NRXN1: variants seen among roughly 807,000 people sequenced by gnomAD.
NRXN1 encodes the protein neurexin-1.
In NRXN1, 39 loss-of-function variants were observed where a neutral mutation model predicts 150.9. The ratio of observed to expected loss-of-function variants is 0.26; its 90% confidence interval spans 0.20 to 0.34. The LOEUF (loss-of-function observed/expected upper bound fraction) is 0.34. NRXN1 is among the 10% of genes least tolerant of loss of function. The pLI is 1.00. For missense variants in NRXN1, 1,815 were observed against 1,949.9 expected, an observed-to-expected ratio of 0.93 and a Z score of 1.30; for synonymous variants, 924 against 757.0, an observed-to-expected ratio of 1.22 and a Z score of -3.62.
intron 2 of NRXN1, among the ~76,000 whole-genome samples, chr2:51,018,104 T>A (rs1002720202): frequency 4.6e-5 from 7 of 151,998 alleles, no homozygotes; most frequent in African/African-American, 1.4e-4. Flanking sequence ...TGTTGCGAGG[T>A]CCCAAACAAC....
At chr2:50,150,052 T>C (rs2058606063) in intron 18 of NRXN1, among the ~76,000 whole-genome samples, 1 of 151,734 alleles carries the variant, frequency 6.6e-6, no homozygotes, top group Non-Finnish European at 1.5e-5. Flanking sequence ...TTTTTCCTTC[T>C]ATTAGTGAAT....
chr2:50,615,697 A>T (rs1343730489), intron 8 of NRXN1: 6 of 152,194 alleles, frequency 3.9e-5, no homozygotes, highest in Admixed American at 3.3e-4. Context: ...TAACTGTAAG[A>T]CTTTTCTACA....
chr2:50,415,471 A>T (rs989961238), intron 17 of NRXN1, among the ~76,000 whole-genome samples: 1 of 152,154 alleles, frequency 6.6e-6, no homozygotes, highest in African/African-American at 2.4e-5. Flanking sequence ...AAGCTGTGAT[A>T]AAGATATCAT....
At chr2:50,654,161 C>T (rs1033207270) in intron 5 of NRXN1, among the ~76,000 whole-genome samples, 20 of 114,930 alleles carry the variant, frequency 1.7e-4, no homozygotes, top group African/African-American at 6.2e-4. Flanking sequence ...GGTATATCTC[C>T]TAATGCTATC....
intron 17 of NRXN1, among the ~76,000 whole-genome samples, chr2:50,294,714 A>G (rs2152948388): frequency 6.6e-6 from 1 of 152,310 alleles, no homozygotes; most frequent in East Asian, 1.9e-4. Flanking sequence ...CCTTGTTGGG[A>G]CAGGCTGATC....
At chr2:50,704,672 T>C (rs1357403052) in intron 5 of NRXN1, among the ~76,000 whole-genome samples, 1 of 151,780 alleles carries the variant, frequency 6.6e-6, no homozygotes, top group Non-Finnish European at 1.5e-5. Context: ...TATATTAATA[T>C]TTTAGGGCTC....
At chr2:50,237,058 A>G (rs1455704807) in intron 17 of NRXN1, 88 bp from the exon 18 acceptor site, 1 of 1,261,026 alleles carries the variant, frequency 7.9e-7, no homozygotes, top group East Asian at 2.3e-5. Context: ...TCAGTAAAGT[A>G]TCAACTCTAC....
At chr2:49,967,492 C>A (rs725323) in intron 21 of NRXN1, among the ~76,000 whole-genome samples, 1 of 151,734 alleles carries the variant, frequency 6.6e-6, no homozygotes, top group African/African-American at 2.4e-5. Context: ...ACTTTTGTTA[C>A]GTTTATAGAC....
chr2:50,459,809 C>T (rs2087975838), intron 17 of NRXN1, among the ~76,000 whole-genome samples: 1 of 152,062 alleles, frequency 6.6e-6, no homozygotes, highest in Admixed American at 6.6e-5. Context: ...GCTTTTGGTA[C>T]ATCATTTTTA....
chr2:50,397,543 G>C (rs559967908), intron 17 of NRXN1, among the ~76,000 whole-genome samples: 7 of 152,202 alleles, frequency 4.6e-5, no homozygotes, highest in Middle Eastern at 3.4e-3. Context: ...TTACAGGTGA[G>C]GGCGTGAAGC....
intron 18 of NRXN1, among the ~76,000 whole-genome samples, chr2:50,093,080 A>G (rs933784975): frequency 8.6e-5 from 13 of 151,200 alleles, no homozygotes; most frequent in African/African-American, 2.9e-4. Flanking sequence ...CTGTTAAAAT[A>G]AGAAAATAAT....
chr2:50,957,330 T>C (rs1009435382), intron 2 of NRXN1, among the ~76,000 whole-genome samples: 5 of 152,298 alleles, frequency 3.3e-5, no homozygotes, highest in South Asian at 2.1e-4. Context: ...AGGGGAATCA[T>C]AATAACTTAC....
At chr2:50,213,483 T>G (rs1014144053) in intron 18 of NRXN1, among the ~76,000 whole-genome samples, 3 of 151,860 alleles carry the variant, frequency 2.0e-5, no homozygotes, top group Admixed American at 6.6e-5. Context: ...TATAATTGAT[T>G]TTCCTATACA....
intron 21 of NRXN1, among the ~76,000 whole-genome samples, chr2:50,008,706 C>A (rs535583794): frequency 6.6e-6 from 1 of 151,880 alleles, no homozygotes; most frequent in South Asian, 2.1e-4. Flanking sequence ...AATACAAGTG[C>A]AGATCGAGTT....
chr2:50,948,612 G>A (rs527968200), intron 2 of NRXN1, among the ~76,000 whole-genome samples: 62 of 152,050 alleles, frequency 4.1e-4, no homozygotes, highest in African/African-American at 1.5e-3. Context: ...GATGATTGAG[G>A]GAGCAGCTAA....
At chr2:50,084,487 G>A (rs895137923) in intron 19 of NRXN1, among the ~76,000 whole-genome samples, 4 of 152,314 alleles carry the variant, frequency 2.6e-5, no homozygotes, top group African/African-American at 7.2e-5. Context: ...CCACAGGGCC[G>A]GCCGGCCGCT....
intron 19 of NRXN1, among the ~76,000 whole-genome samples, chr2:50,080,568 A>G (rs954544004): frequency 6.6e-5 from 10 of 152,126 alleles, no homozygotes; most frequent in African/African-American, 2.4e-4. Context: ...GACCTTTCCA[A>G]ATGAAACTCT....
At chr2:49,949,850 T>C (rs1015771250) in intron 21 of NRXN1, among the ~76,000 whole-genome samples, 3 of 151,882 alleles carry the variant, frequency 2.0e-5, no homozygotes, top group Non-Finnish European at 4.4e-5. Flanking sequence ...TATCTTTGGT[T>C]AACTGATGGG....
chr2:50,945,418 C>T (rs964085345), intron 2 of NRXN1, among the ~76,000 whole-genome samples: 5 of 151,854 alleles, frequency 3.3e-5, no homozygotes, highest in African/African-American at 1.2e-4. Flanking sequence ...AAGCTGAGAT[C>T]GTGCCAGTGA....
Sources: gnomAD v4.1 joint callset for allele counts (sites outside exome capture counted in the v4.1 genomes callset) on GRCh38, gnomAD v4.1.1 for gene constraint, MANE v1.5 for transcripts, NCBI Gene and HGNC (gene_info 2026-07-23, HGNC 2026-07-21) for gene names.